Variants in KAZN observed in about 807,000 individuals in gnomAD.
KAZN encodes the protein kazrin, periplakin interacting protein, also known as kazrin.
In KAZN, 40 loss-of-function variants were observed where a neutral mutation model predicts 87.4. The ratio of observed to expected loss-of-function variants is 0.46; its 90% CI spans 0.36 to 0.60. The LOEUF (loss-of-function observed/expected upper bound fraction) is 0.60, where lower values mean the gene tolerates loss of function less well. KAZN is among the 20% of genes least tolerant of loss of function. The pLI is 0.00. For missense variants in KAZN, 898 were observed against 1,073.9 expected (o/e 0.84, Z 2.29); for synonymous variants, 466 against 458.3 (o/e 1.02, Z -0.22).
chr1:14,159,767 G>C (rs1645671144), intron 1 of KAZN, among the ~76,000 whole-genome samples: 1 of 152,242 alleles, frequency 6.6e-6, no homozygotes, highest in Non-Finnish European at 1.5e-5. Flanking sequence ...CCTTGATGTA[G>C]TACTTGAGTA....
intron 2 of KAZN, among the ~76,000 whole-genome samples, chr1:14,973,516 AG>A (rs977455374): frequency 5.8e-4 from 88 of 152,278 alleles, no homozygotes; most frequent in African/African-American, 2.0e-3. Flanking sequence ...AACTAATCCC[AG>A]TTGACTGAAC....
chr1:14,493,225 T>A (rs1669774011), intron 2 of KAZN, among the ~76,000 whole-genome samples: 1 of 152,142 alleles, frequency 6.6e-6, no homozygotes. Flanking sequence ...CTTTGCCTAT[T>A]GTCTTCTCAA....
intron 1 of KAZN, among the ~76,000 whole-genome samples, chr1:14,868,216 G>A (rs746763439): frequency 4.6e-5 from 7 of 152,056 alleles, no homozygotes; most frequent in Non-Finnish European, 8.8e-5. Context: ...CGCAGGCATC[G>A]CATACGCAGG....
At chr1:14,696,740 G>C (rs1416705675) in intron 1 of KAZN, among the ~76,000 whole-genome samples, 1 of 152,194 alleles carries the variant, frequency 6.6e-6, no homozygotes, top group Non-Finnish European at 1.5e-5. Flanking sequence ...GTGGGACTGA[G>C]AGCTTGCATC....
At chr1:14,026,410 G>A (rs1288322807) in intron 1 of KAZN, among the ~76,000 whole-genome samples, 1 of 152,186 alleles carries the variant, frequency 6.6e-6, no homozygotes, top group Non-Finnish European at 1.5e-5. Flanking sequence ...AGACCCTATG[G>A]TGGGGGTTCC....
At chr1:13,918,938 GT>G (rs899202156) in intron 1 of KAZN, among the ~76,000 whole-genome samples, 15 of 151,394 alleles carry the variant, frequency 9.9e-5, no homozygotes, top group African/African-American at 2.7e-4. Flanking sequence ...GTGTTAAAAT[GT>G]TTTTTTTTCC....
intron 2 of KAZN, among the ~76,000 whole-genome samples, chr1:14,373,356 A>G (rs895919405): frequency 9.2e-5 from 14 of 152,172 alleles, no homozygotes; most frequent in Admixed American, 7.2e-4. Flanking sequence ...CAAAGGCCTG[A>G]GAACCAGGAG....
chr1:14,161,028 G>A (rs79913982), intron 1 of KAZN, among the ~76,000 whole-genome samples: 4,403 of 152,280 alleles, frequency 0.029, 209 homozygotes, highest in African/African-American at 0.1. Context: ...GGGTGGAACC[G>A]TCTCTCTTTA....
chr1:14,286,395 C>T (rs74057150), intron 2 of KAZN, among the ~76,000 whole-genome samples: 2,271 of 152,236 alleles, frequency 0.015, 62 homozygotes, highest in African/African-American at 0.05. Flanking sequence ...CTGAGTTCCC[C>T]AGGGTCAGGA....
chr1:14,940,902 T>TC (rs1269848522), intron 1 of KAZN, among the ~76,000 whole-genome samples: 15 of 67,682 alleles, frequency 2.2e-4, no homozygotes, highest in Non-Finnish European at 4.1e-4. Flanking sequence ...ACCTTTCTTT[T>TC]TTTTTTTTTT....
chr1:15,072,333 T>C (rs1377760464), intron 8 of KAZN, among the ~76,000 whole-genome samples: 1 of 152,198 alleles, frequency 6.6e-6, no homozygotes, highest in African/African-American at 2.4e-5. Flanking sequence ...GTGTGTGAAG[T>C]TCCTCCATCT....
intron 1 of KAZN, among the ~76,000 whole-genome samples, chr1:13,948,857 C>T (rs987262333): frequency 6.6e-6 from 1 of 152,052 alleles, no homozygotes; most frequent in Non-Finnish European, 1.5e-5. Context: ...TGCCCTAGGC[C>T]CCTTCCCATG....
At chr1:14,836,970 G>A (rs113469527) in intron 1 of KAZN, among the ~76,000 whole-genome samples, 1 of 152,116 alleles carries the variant, frequency 6.6e-6, no homozygotes. Flanking sequence ...CCGCCTTCCT[G>A]AATTCTGTCT....
chr1:14,010,403 T>C (rs1341481382), intron 1 of KAZN, among the ~76,000 whole-genome samples: 3 of 152,214 alleles, frequency 2.0e-5, no homozygotes, highest in African/African-American at 7.2e-5. Flanking sequence ...CTGTAACGTA[T>C]CATTTTAATT....
intron 2 of KAZN, among the ~76,000 whole-genome samples, chr1:14,306,745 T>C (rs1450783962): frequency 4.6e-5 from 7 of 152,038 alleles, no homozygotes; most frequent in Non-Finnish European, 7.4e-5. Flanking sequence ...GCTGGTGGGA[T>C]TAGCTCTGCC....
intron 8 of KAZN, among the ~76,000 whole-genome samples, chr1:15,089,111 T>C (rs1640410435): frequency 6.6e-6 from 1 of 152,084 alleles, no homozygotes; most frequent in Non-Finnish European, 1.5e-5. Context: ...TCAATTTACT[T>C]TCGCATCTTT....
intron 1 of KAZN, among the ~76,000 whole-genome samples, chr1:14,174,082 T>G (rs567665367): frequency 6.6e-6 from 1 of 152,362 alleles, no homozygotes; most frequent in South Asian, 2.1e-4. Flanking sequence ...GCATTAATTA[T>G]GTTTTCAATG....
intron 1 of KAZN, among the ~76,000 whole-genome samples, chr1:14,808,335 A>C: frequency 8.6e-6 from 1 of 116,566 alleles, no homozygotes; most frequent in South Asian, 2.8e-4. Flanking sequence ...TCACTCTGTC[A>C]CCCCAGGCTG....
At chr1:14,006,240 T>A (rs1640033182) in intron 1 of KAZN, among the ~76,000 whole-genome samples, 1 of 152,236 alleles carries the variant, frequency 6.6e-6, no homozygotes, top group African/African-American at 2.4e-5. Context: ...TAAAGGAATA[T>A]CTGAGGCTGC....
Sources: allele counts gnomAD v4.1 joint callset (sites outside exome capture counted in the v4.1 genomes callset), GRCh38; gene constraint gnomAD v4.1.1; transcripts MANE v1.5; gene names NCBI Gene and HGNC (gene_info 2026-07-23, HGNC 2026-07-21).